Variants in EXO1 observed in about 807,000 individuals in gnomAD.
EXO1 encodes exonuclease 1.
EXO1 carries 69 observed loss-of-function variants against 84.5 expected under a neutral mutation model. The observed-to-expected ratio is 0.82, with a 90% CI of 0.67 to 1.00. The LOEUF (loss-of-function observed/expected upper bound fraction) is 1.00. EXO1 is among the 50% of genes least tolerant of loss of function. The pLI, the probability that EXO1 is intolerant of heterozygous loss-of-function variation, is 0.00. For missense variants in EXO1, 1,045 were observed against 1,000.7 expected (o/e 1.04, Z -0.60); for synonymous variants, 373 against 366.1 (o/e 1.02, Z -0.21).
intron 13 of EXO1, among the ~76,000 whole-genome samples, chr1:241,881,037 TG>T (rs1486216202): frequency 1.3e-4 from 20 of 152,156 alleles, no homozygotes; most frequent in Admixed American, 4.6e-4. Context: ...TGTTTTGTTT[TG>T]TTTTTTTGTT....
intron 11 of EXO1, among the ~76,000 whole-genome samples, chr1:241,871,191 A>C (rs889904000): frequency 2.6e-5 from 4 of 152,228 alleles, no homozygotes; most frequent in Non-Finnish European, 5.9e-5. Context: ...CATAATAAAC[A>C]GATTTAACTT....
intron 12 of EXO1, among the ~76,000 whole-genome samples, chr1:241,873,748 G>A (rs376850605): frequency 3.9e-5 from 6 of 152,072 alleles, no homozygotes; most frequent in African/African-American, 1.2e-4. Context: ...GCATGAATAC[G>A]GTGTTTTGAG....
chr1:241,881,612 C>T (rs889506394), intron 13 of EXO1, among the ~76,000 whole-genome samples: 1 of 152,154 alleles, frequency 6.6e-6, no homozygotes. Flanking sequence ...CGTAACGCAG[C>T]GTTTTTACAT....
At chr1:241,852,446 T>C in intron 5 of EXO1, 35 bp downstream of exon 5, 2 of 1,577,272 alleles carry the variant, frequency 1.3e-6, no homozygotes, top group Non-Finnish European at 1.7e-6. Context: ...CTAACTTCAT[T>C]GCACTAAGGT....
At chr1:241,875,663 G>A (rs899724729) in intron 12 of EXO1, among the ~76,000 whole-genome samples, 1 of 152,166 alleles carries the variant, frequency 6.6e-6, no homozygotes, top group East Asian at 1.9e-4. Flanking sequence ...CGGATCATGA[G>A]GTCAGGAGAT....
intron 8 of EXO1, among the ~76,000 whole-genome samples, chr1:241,859,381 T>C (rs1661245033): frequency 6.6e-6 from 1 of 152,156 alleles, no homozygotes; most frequent in African/African-American, 2.4e-5. Flanking sequence ...AATCCAAAAC[T>C]TTTTGAGTCC....
chr1:241,887,366 T>C (rs1031400788), intron 15 of EXO1, among the ~76,000 whole-genome samples: 1 of 152,200 alleles, frequency 6.6e-6, no homozygotes, highest in Admixed American at 6.5e-5. Flanking sequence ...GCACTTTTAA[T>C]GCATCTTTTA....
Position 241,885,131 on chromosome 1 carries a change from C to T in EXO1, c.2212-183C>T, listed in dbSNP as rs375123654. Reference sequence around the variant, plus strand: ...CTGAGGCAGGAGAATGGCGTCAACCCGGGAGGTGGAGCTTGCAGTGAGCCG... The same window carrying T: ...CTGAGGCAGGAGAATGGCGTCAACCTGGGAGGTGGAGCTTGCAGTGAGCCG... On this transcript the variant is annotated intron_variant, in intron 14 of 15. Transcript: ENST00000366548. Among the ~76,000 whole-genome samples the T allele has an allele frequency of 8.1e-4, 123 of 151,560 alleles. 4 individuals carry two copies. In the East Asian group the frequency reaches 0.02, roughly 25 times the overall value.
At chr1:241,882,158 C>A in intron 14 of EXO1, 141 bp downstream of exon 14, 2 of 595,044 alleles carry the variant, frequency 3.4e-6, no homozygotes, top group Non-Finnish European at 3.0e-6. Flanking sequence ...AAACTTTATG[C>A]TTGACTGTAG....
intron 11 of EXO1, among the ~76,000 whole-genome samples, chr1:241,867,447 A>G (rs940736247): frequency 6.6e-6 from 1 of 152,208 alleles, no homozygotes; most frequent in Non-Finnish European, 1.5e-5. Flanking sequence ...ATCTCCCACC[A>G]GGTCCCTCCC....
In EXO1 at chr1:241,885,466, G is replaced by C. The variant is rs1663010304; in HGVS notation, c.2364G>C (p.Gln788His). ...ATGCCGAGAACAAGCCGGGGTTACA[G>C]ATCAAACTCAATGAGCTCTGGAAAA... is the stretch of plus-strand genomic sequence containing the variant. ...HHNAENKPGL[Q>H]IKLNELWKNF... is the part of the protein sequence containing the mutation. The change falls in exon 15 of 16, where the codon CAG becomes CAC. Residue 788 changes from glutamine (Q) to histidine (H), a missense_variant. Coordinates refer to ENST00000366548, the MANE Select transcript of EXO1 (RefSeq NM_130398.4). 1.9e-6 allele frequency: 3 copies of C among 1,613,678 alleles called. No individual in the cohort carries two copies. The highest frequency in any genetic ancestry group is 1.3e-5 in the African/African-American group (1 of 74,890).
intron 10 of EXO1, among the ~76,000 whole-genome samples, chr1:241,862,002 G>C (rs141446928): frequency 1.3e-5 from 2 of 152,026 alleles, no homozygotes; most frequent in Non-Finnish European, 2.9e-5. Context: ...GCAATGGTGC[G>C]ATCTCAGCTC....
chr1:241,858,557 C>T lies in EXO1; in HGVS notation c.595C>T (p.Arg199Trp), dbSNP rs752455320. Residue 199 changes from arginine to tryptophan, a missense_variant, in exon 8 of 16, where the codon CGG becomes TGG. By Grantham distance (101) the Arg-to-Trp change is moderately radical. Transcript: ENST00000366548. Reference sequence around the variant, plus strand: ...AAATGGACTTGAAATTGATCAAGCTCGGCTAGGAATGTGCAGACAGCTTGG... The same window carrying T: ...AAATGGACTTGAAATTGATCAAGCTTGGCTAGGAATGTGCAGACAGCTTGG... ...FGNGLEIDQA[R>W]LGMCRQLGDV... is the part of the protein sequence containing the mutation. The T allele has an allele frequency of 3.7e-6, 6 of 1,614,084 alleles. No individual in the cohort carries two copies. In the South Asian group the frequency reaches 5.5e-5, roughly 15 times the overall value.
Position 241,860,558 on chromosome 1 carries a change from G to C in EXO1, c.798G>C (p.Thr266=), listed in dbSNP as rs745732917. 6.2e-7 allele frequency: 1 copy of C among 1,613,788 alleles called. No homozygotes were observed. Among genetic ancestry groups the C allele is most frequent in the African/African-American group, 1.3e-5 (1 of 74,888 alleles). The change falls in exon 9 of 16, where the codon ACG becomes ACC. Residue 266 remains threonine, a synonymous_variant. Transcript: ENST00000366548. ...KIGHYLKMNI[T]VPEDYINGFI... ...GACATTATCTCAAGATGAATATCAC[G>C]GTACCAGAGGATTACATCAACGGGT...
Position 241,867,027 on chromosome 1 carries a change from A to C in EXO1, c.1239A>C (p.Lys413Asn). The part of the protein sequence containing the change: ...ISTKGLNLPR[K>N]SSIVKRPRSA... ...CTAAAGGGTTAAATCTCCCAAGGAAATCATCCATTGTGAAAAGACCAAGAA... is the reference window on the plus strand; with the variant it reads ...CTAAAGGGTTAAATCTCCCAAGGAACTCATCCATTGTGAAAAGACCAAGAA... Residue 413 changes from lysine (K) to asparagine (N), a missense_variant, in exon 11 of 16, where the codon AAA becomes AAC. Physicochemically the swap from Lys to Asn is moderately conservative, Grantham distance 94 (BLOSUM62 0). Transcript: ENST00000366548. The C allele has an allele frequency of 6.2e-7, 1 of 1,613,906 alleles. No homozygotes were observed. Among genetic ancestry groups the C allele is most frequent in the African/African-American group, 1.3e-5 (1 of 75,048 alleles).
At position 241,870,088 on chromosome 1, in the gene EXO1, G is replaced by A. The variant is rs141213315; in HGVS notation, c.1268-1944G>A. ...GCCTCCCAAAGTGCTGGGAATACAG[G>A]TGTGAGCCACTGCGCCTGGCCTGTA... On this transcript the variant is annotated intron_variant, in intron 11 of 15. Transcript: ENST00000366548. Among the ~76,000 whole-genome samples the A allele has an allele frequency of 5.4e-4, 82 of 152,292 alleles. 1 individual carries two copies. Among genetic ancestry groups the A allele is most frequent in the Middle Eastern group, 3.4e-3 (1 of 294 alleles).
intron 10 of EXO1, among the ~76,000 whole-genome samples, chr1:241,861,772 T>C (rs1378554614): frequency 1.3e-5 from 2 of 152,230 alleles, no homozygotes; most frequent in Non-Finnish European, 2.9e-5. Context: ...AAGCATTTGA[T>C]GCCTTTTTTT....
At position 241,885,371 on chromosome 1, in the gene EXO1, C is replaced by A; in HGVS notation, c.2269C>A (p.Pro757Thr). ...CTCTCTTTCTACAACCAAGATCAAA[C>A]CTCTAGGACCTGCCAGAGCCAGTGG... The part of the protein sequence containing the change: ...ADSLSTTKIK[P>T]LGPARASGLS... Residue 757 changes from proline (P) to threonine (T), a missense_variant, in exon 15 of 16, where the codon CCT becomes ACT. Coordinates refer to ENST00000366548, the MANE Select transcript of EXO1 (RefSeq NM_130398.4). 6.2e-7 allele frequency: 1 copy of A among 1,613,864 alleles called. No individual in the cohort carries two copies. The highest frequency in any genetic ancestry group is 1.1e-5 in the South Asian group (1 of 91,076).
intron 10 of EXO1, among the ~76,000 whole-genome samples, chr1:241,863,524 C>A (rs1661520056): frequency 6.6e-6 from 1 of 151,648 alleles, no homozygotes; most frequent in Non-Finnish European, 1.5e-5. Context: ...TGTAAAGGAA[C>A]CAGATCTTGA....
Sources: gnomAD v4.1 joint callset for allele counts (sites outside exome capture counted in the v4.1 genomes callset) on GRCh38, gnomAD v4.1.1 for gene constraint, MANE v1.5 for transcripts, NCBI Gene and HGNC (gene_info 2026-07-23, HGNC 2026-07-21) for gene names.